NKAIN2: variants seen among roughly 807,000 people sequenced by gnomAD.
NKAIN2 encodes the protein sodium/potassium transporting ATPase interacting 2.
In NKAIN2, 14 loss-of-function variants were observed where a neutral mutation model predicts 32.6. The observed-to-expected ratio is 0.43, with a 90% CI of 0.28 to 0.67. The LOEUF (loss-of-function observed/expected upper bound fraction) is 0.67. NKAIN2 is among the 30% of genes least tolerant of loss of function. NKAIN2 has a pLI of 0.17. For missense variants in NKAIN2, 198 were observed against 258.3 expected, an observed-to-expected ratio of 0.77 and a Z score of 1.60; for synonymous variants, 80 against 87.2, an observed-to-expected ratio of 0.92 and a Z score of 0.46.
intron 4 of NKAIN2, among the ~76,000 whole-genome samples, chr6:124,758,671 G>A (rs1460283121): frequency 1.3e-5 from 2 of 152,088 alleles, no homozygotes; most frequent in Non-Finnish European, 2.9e-5. Flanking sequence ...TATCCATTCT[G>A]CCAGGGAATT....
intron 1 of NKAIN2, among the ~76,000 whole-genome samples, chr6:124,273,148 G>A (rs1271067094): frequency 6.6e-6 from 1 of 152,056 alleles, no homozygotes; most frequent in African/African-American, 2.4e-5. Context: ...AATATGAAAG[G>A]GACATGAGAT....
At chr6:124,245,966 A>G (rs1582917651) in intron 1 of NKAIN2, among the ~76,000 whole-genome samples, 1 of 152,162 alleles carries the variant, frequency 6.6e-6, no homozygotes, top group African/African-American at 2.4e-5. Context: ...TTCTTAACAG[A>G]GTACCTGGTA....
chr6:124,424,946 T>A (rs1774918184), intron 3 of NKAIN2, among the ~76,000 whole-genome samples: 1 of 152,182 alleles, frequency 6.6e-6, no homozygotes, highest in Admixed American at 6.5e-5. Flanking sequence ...GCTGGATCAA[T>A]GGTAGTTCTA....
chr6:124,195,947 C>T (rs896458185), intron 1 of NKAIN2, among the ~76,000 whole-genome samples: 1 of 151,944 alleles, frequency 6.6e-6, no homozygotes, highest in Non-Finnish European at 1.5e-5. Flanking sequence ...CTGATATTAG[C>T]CCAATTTTCT....
chr6:123,844,244 G>A (rs1775001808), intron 1 of NKAIN2, among the ~76,000 whole-genome samples: 1 of 152,204 alleles, frequency 6.6e-6, no homozygotes. Context: ...GTGTTGGGAG[G>A]AAAGCGATTC....
intron 3 of NKAIN2, among the ~76,000 whole-genome samples, chr6:124,406,923 T>A (rs139378084): frequency 4.6e-5 from 7 of 152,164 alleles, no homozygotes; most frequent in African/African-American, 1.7e-4. Flanking sequence ...CAATTTTTCT[T>A]GTTCTTTTTC....
intron 4 of NKAIN2, among the ~76,000 whole-genome samples, chr6:124,789,523 A>G (rs1489773644): frequency 6.6e-6 from 1 of 152,034 alleles, no homozygotes; most frequent in Non-Finnish European, 1.5e-5. Flanking sequence ...GGCTCACTCC[A>G]TAAAAAGAGC....
chr6:124,079,012 A>C (rs894719881), intron 1 of NKAIN2, among the ~76,000 whole-genome samples: 2 of 151,898 alleles, frequency 1.3e-5, no homozygotes, highest in African/African-American at 4.8e-5. Context: ...TGTCTTTACT[A>C]GTCATTATCA....
chr6:124,283,455 G>A (rs1419786522), intron 2 of NKAIN2, among the ~76,000 whole-genome samples: 2 of 152,092 alleles, frequency 1.3e-5, no homozygotes, highest in East Asian at 3.9e-4. Context: ...TGGTTTGACA[G>A]ATTTTAATGG....
chr6:124,131,044 T>G (rs1270428721), intron 1 of NKAIN2, among the ~76,000 whole-genome samples: 1 of 152,218 alleles, frequency 6.6e-6, no homozygotes, highest in Non-Finnish European at 1.5e-5. Context: ...CACAAAGAAC[T>G]GCTAGCTATT....
chr6:124,079,649 C>T (rs574369972), intron 1 of NKAIN2, among the ~76,000 whole-genome samples: 2 of 152,126 alleles, frequency 1.3e-5, no homozygotes, highest in African/African-American at 2.4e-5. Flanking sequence ...GCTTTACCGA[C>T]TTTTAGCTAT....
intron 2 of NKAIN2, among the ~76,000 whole-genome samples, chr6:124,334,554 G>A (rs1398192948): frequency 1.9e-4 from 1 of 5,250 alleles, no homozygotes; most frequent in African/African-American, 2.7e-3. Context: ...GGTTCCTGGT[G>A]GGGGGCACTA....
intron 4 of NKAIN2, among the ~76,000 whole-genome samples, chr6:124,755,385 T>C (rs538043982): frequency 6.5e-4 from 99 of 152,230 alleles, no homozygotes; most frequent in Non-Finnish European, 1.1e-3. Context: ...TCCCAGTCCA[T>C]GGACTCAAAT....
At chr6:124,514,324 A>G (rs931097777) in intron 3 of NKAIN2, among the ~76,000 whole-genome samples, 1 of 152,192 alleles carries the variant, frequency 6.6e-6, no homozygotes, top group Non-Finnish European at 1.5e-5. Context: ...AGGATTGGAC[A>G]ATACCCCACT....
chr6:124,088,288 G>A (rs1004022117), intron 1 of NKAIN2, among the ~76,000 whole-genome samples: 1 of 151,950 alleles, frequency 6.6e-6, no homozygotes, highest in Admixed American at 6.6e-5. Context: ...CAGATGTGGT[G>A]GTGTATGCCT....
intron 3 of NKAIN2, among the ~76,000 whole-genome samples, chr6:124,393,550 A>C (rs1254470012): frequency 6.6e-6 from 1 of 152,176 alleles, no homozygotes; most frequent in Non-Finnish European, 1.5e-5. Flanking sequence ...ATAATAGAGC[A>C]TTGCTGAAAT....
chr6:124,422,466 T>C (rs1370898318), intron 3 of NKAIN2, among the ~76,000 whole-genome samples: 3 of 152,238 alleles, frequency 2.0e-5, no homozygotes, highest in Admixed American at 1.3e-4. Flanking sequence ...AATCCTATTA[T>C]CTTTGTTCAA....
chr6:124,403,224 T>G (rs1384550123), intron 3 of NKAIN2, among the ~76,000 whole-genome samples: 2 of 152,222 alleles, frequency 1.3e-5, no homozygotes, highest in African/African-American at 4.8e-5. Context: ...ATTTTATGCA[T>G]ATTTTACATT....
chr6:124,296,717 C>A (rs1325237894), intron 2 of NKAIN2, among the ~76,000 whole-genome samples: 1 of 152,068 alleles, frequency 6.6e-6, no homozygotes, highest in Non-Finnish European at 1.5e-5. Flanking sequence ...AGTTATGGGG[C>A]AGTGAAGTAG....
Sources: allele counts gnomAD v4.1 joint callset (sites outside exome capture counted in the v4.1 genomes callset), GRCh38; gene constraint gnomAD v4.1.1; transcripts MANE v1.5; gene names NCBI Gene and HGNC (gene_info 2026-07-23, HGNC 2026-07-21).